PPL: variants seen among roughly 807,000 people sequenced by gnomAD.
PPL encodes the protein 190 kDa paraneoplastic pemphigus antigen.
PPL carries 198 observed loss-of-function variants against 194.4 expected under a neutral mutation model. The ratio of observed to expected loss-of-function variants is 1.02; its 90% CI spans 0.91 to 1.15. PPL has a LOEUF of 1.15. Ranked by LOEUF, PPL falls within the 50% of genes most tolerant of loss-of-function variation. PPL has a pLI of 0.00. For missense variants in PPL, 2,885 were observed against 2,294.8 expected (o/e 1.26, Z -5.25); for synonymous variants, 1,220 against 972.4 (o/e 1.25, Z -4.74).
Position 4,883,270 on chromosome 16 carries a change from A to T in PPL, c.*114T>A. ...CTCTGAGCAGCCTGGCAGCGAGGGT[A>T]TGTATAAAATGCTTGGCCTGCACCA... On this transcript the variant is annotated 3_prime_UTR_variant, in exon 22 of 22. Transcript: ENST00000345988. The surrounding 1 kb of genome is among the most constrained non-coding windows in gnomAD (Gnocchi z 4.8). 1.4e-6 allele frequency: 2 copies of T among 1,405,366 alleles called. No individual in the cohort carries two copies. Among genetic ancestry groups the T allele is most frequent in the South Asian group, 2.4e-5 (2 of 82,216 alleles). 87.1% of individuals were successfully genotyped at this position (1,405,366 alleles called of 1,614,324 possible). A position where few individuals can be genotyped will look rare whatever the true frequency, so the allele number is the denominator to read the frequency against.
Position 4,895,299 on chromosome 16 carries a change from T to C in PPL, c.1204A>G (p.Ile402Val), listed in dbSNP as rs371429691. The C allele has an allele frequency of 6.2e-7, 1 of 1,612,412 alleles. No individual in the cohort carries two copies. Among genetic ancestry groups the C allele is most frequent in the Non-Finnish European group, 8.5e-7 (1 of 1,179,506 alleles). The change falls in exon 11 of 22, where the codon ATC becomes GTC. Residue 402 changes from isoleucine to valine, a missense_variant. Coordinates refer to ENST00000345988, the MANE Select transcript of PPL (RefSeq NM_002705.5). Reference sequence around the variant, plus strand: ...AAGTCACAGAGTGCCTCCACGGGGATGGGCTTGAGCGGAGTCTCCCGGCGG... The same window carrying C: ...AAGTCACAGAGTGCCTCCACGGGGACGGGCTTGAGCGGAGTCTCCCGGCGG... ...KYRRETPLKP[I>V]PVEALCDFEG...
chr16:4,934,340 T>A (rs887086014), intron 1 of PPL, among the ~76,000 whole-genome samples: 1 of 151,900 alleles, frequency 6.6e-6, no homozygotes, highest in Non-Finnish European at 1.5e-5. Flanking sequence ...CACTTTGTAG[T>A]CCAAAGGCCT....
rs1469870994 is a variant in PPL, at chr16:4,889,238, GTTGTTTTTTTTTT to G, written c.2314-190_2314-178del. Reference sequence around the variant, plus strand: ...TGCAAAAGGCAGTTTTTTTGTTGTTGTTGTTTTTTTTTTTTTTTTTTTTTTTTTTTTTTTTTGA... The same window carrying G: ...TGCAAAAGGCAGTTTTTTTGTTGTTGTTTTTTTTTTTTTTTTTTTTTTTGA... On this transcript the variant is annotated intron_variant, in intron 18 of 21. Transcript: ENST00000345988. Among the ~76,000 whole-genome samples, 154 of 21,798 alleles carry G rather than the reference GTTGTTTTTTTTTT, an allele frequency of 7.1e-3. 3 individuals carry two copies. The highest frequency in any genetic ancestry group is 0.01 in the African/African-American group (138 of 13,416). 14.3% of individuals were successfully genotyped at this position (21,798 alleles called of 152,430 possible).
At chr16:4,915,849 T>C (rs542467680) in intron 1 of PPL, among the ~76,000 whole-genome samples, 3 of 152,096 alleles carry the variant, frequency 2.0e-5, no homozygotes, top group Admixed American at 1.3e-4. Flanking sequence ...ATCAGAGAGG[T>C]TAAATAACTC....
At chr16:4,936,849 C>T in intron 1 of PPL, 135 bp downstream of exon 1, 1 of 875,848 alleles carries the variant, frequency 1.1e-6, no homozygotes, top group Non-Finnish European at 1.6e-6. Flanking sequence ...TCCCGAGAGT[C>T]CCGCACTCCG....
At chr16:4,927,298 C>A (rs2089171956) in intron 1 of PPL, among the ~76,000 whole-genome samples, 1 of 152,138 alleles carries the variant, frequency 6.6e-6, no homozygotes, top group African/African-American at 2.4e-5. Flanking sequence ...AAGCACTGTC[C>A]ATATATCTCA....
intron 14 of PPL, 71 bp downstream of exon 14, chr16:4,893,142 C>G (rs915907568): frequency 9.8e-6 from 14 of 1,432,936 alleles, no homozygotes; most frequent in Non-Finnish European, 1.2e-5. Context: ...GGGAAAAGAC[C>G]TCAAATAGGG....
intron 9 of PPL, 28 bp from the exon 10 acceptor site, chr16:4,895,744 C>T: frequency 1.2e-6 from 2 of 1,613,364 alleles, no homozygotes; most frequent in Non-Finnish European, 1.7e-6. Context: ...TCTGTTACAG[C>T]CAGGAAACCA....
At chr16:4,892,928 G>C (rs989252790) in intron 14 of PPL, 3 of 375,434 alleles carry the variant, frequency 8.0e-6, no homozygotes, top group Non-Finnish European at 1.4e-5. Context: ...GCCAGCCGGT[G>C]ACCCAGTCCT....
intron 6 of PPL, among the ~76,000 whole-genome samples, chr16:4,899,902 G>T (rs2088523578): frequency 6.6e-6 from 1 of 152,218 alleles, no homozygotes; most frequent in South Asian, 2.1e-4. Context: ...CAAGGGAAAG[G>T]AGGGATGTTT....
rs905908703 is a variant in PPL, at chr16:4,931,093, G to A, written c.62+5891C>T. On this transcript the variant is annotated intron_variant, in intron 1 of 21. Coordinates refer to ENST00000345988, the MANE Select transcript of PPL (RefSeq NM_002705.5). ...TTTAAAGGGAAAGGGCCTGCGTGCA[G>A]TGGCTCATGGCTGTAATCTCAGTGC... Among the ~76,000 whole-genome samples the A allele has an allele frequency of 9.2e-5, 14 of 152,322 alleles. 1 individual carries two copies. In the South Asian group the frequency reaches 2.9e-3, roughly 32 times the overall value.
At chr16:4,925,119 C>T (rs2089132058) in intron 1 of PPL, among the ~76,000 whole-genome samples, 1 of 152,166 alleles carries the variant, frequency 6.6e-6, no homozygotes, top group South Asian at 2.1e-4. Context: ...GCTGGAATGT[C>T]TGGAACGCAC....
Position 4,883,254 on chromosome 16 carries a change from G to T in PPL, c.*130C>A. ...TCATATGTGGGCGGGACTCTGAGCA[G>T]CCTGGCAGCGAGGGTATGTATAAAA... On this transcript the variant is annotated 3_prime_UTR_variant, in exon 22 of 22. Coordinates refer to ENST00000345988, the MANE Select transcript of PPL (RefSeq NM_002705.5). The surrounding 1 kb of genome is among the most constrained non-coding windows in gnomAD (Gnocchi z 4.8). The T allele has an allele frequency of 7.7e-7, 1 of 1,299,396 alleles. No individual in the cohort carries two copies. Among genetic ancestry groups the T allele is most frequent in the Non-Finnish European group, 1.1e-6 (1 of 936,528 alleles). 80.5% of individuals were successfully genotyped at this position (1,299,396 alleles called of 1,614,324 possible).
At chr16:4,913,543 C>G (rs982944198) in intron 1 of PPL, among the ~76,000 whole-genome samples, 2 of 152,146 alleles carry the variant, frequency 1.3e-5, no homozygotes, top group African/African-American at 2.4e-5. Context: ...CCAGCTCTGC[C>G]TCTGTGGTTT....
chr16:4,913,878 CG>C (rs1309572941), intron 1 of PPL, among the ~76,000 whole-genome samples: 1 of 152,160 alleles, frequency 6.6e-6, no homozygotes, highest in East Asian at 1.9e-4. Context: ...CTGCTGTGTG[CG>C]GGCCCTGCAC....
intron 1 of PPL, among the ~76,000 whole-genome samples, chr16:4,931,283 G>C (rs1249570115): frequency 6.6e-6 from 1 of 152,156 alleles, no homozygotes; most frequent in East Asian, 1.9e-4. Flanking sequence ...AGGATTGCTT[G>C]AGCCCAGCAG....
At chr16:4,917,185 C>T (rs1026252877) in intron 1 of PPL, among the ~76,000 whole-genome samples, 6 of 152,112 alleles carry the variant, frequency 3.9e-5, no homozygotes, top group African/African-American at 1.4e-4. Flanking sequence ...TCTATGCCTG[C>T]ACAGAAACTT....
At chr16:4,890,489 G>A (rs2088298591) in intron 17 of PPL, among the ~76,000 whole-genome samples, 155 bp from the exon 18 acceptor site, 1 of 152,138 alleles carries the variant, frequency 6.6e-6, no homozygotes, top group South Asian at 2.1e-4. Flanking sequence ...GGAACGTCAG[G>A]TTGGACTGTG....
chr16:4,936,165 G>A (rs1229972630), intron 1 of PPL, among the ~76,000 whole-genome samples: 1 of 152,170 alleles, frequency 6.6e-6, no homozygotes, highest in African/African-American at 2.4e-5. Context: ...CCCCTCCCAG[G>A]CCGCCCTGGG....
Sources: allele counts gnomAD v4.1 joint callset (sites outside exome capture counted in the v4.1 genomes callset), GRCh38; gene constraint gnomAD v4.1.1; non-coding constraint Gnocchi (gnomAD v3.1); transcripts MANE v1.5; gene names NCBI Gene and HGNC (gene_info 2026-07-23, HGNC 2026-07-21).